BCAS3: variants seen among roughly 807,000 people sequenced by gnomAD.
The protein encoded by BCAS3 is BCAS4/BCAS3 fusion.
Under a neutral mutation model 116.1 loss-of-function variants are expected in BCAS3, and 53 were observed. The observed-to-expected ratio is 0.46, with a 90% CI of 0.37 to 0.57. BCAS3 has a LOEUF of 0.57. BCAS3 is among the 20% of genes least tolerant of loss of function. BCAS3 has a pLI of 0.00. For missense variants in BCAS3, 917 were observed against 1,165.4 expected (o/e 0.79, Z 3.10); for synonymous variants, 391 against 408.2 (o/e 0.96, Z 0.51).
chr17:61,182,589 A>C (rs751158520), intron 22 of BCAS3, among the ~76,000 whole-genome samples: 4 of 152,206 alleles, frequency 2.6e-5, no homozygotes, highest in Non-Finnish European at 4.4e-5. Context: ...AAATTTACAG[A>C]GTTATGCATC....
chr17:60,919,548 C>A (rs1190136291), intron 12 of BCAS3, among the ~76,000 whole-genome samples: 2 of 152,174 alleles, frequency 1.3e-5, no homozygotes, highest in Non-Finnish European at 2.9e-5. Context: ...TGGTCTCGAT[C>A]TCTTGAGCTC....
chr17:61,310,669 G>C (rs1265259641), intron 22 of BCAS3, among the ~76,000 whole-genome samples: 7 of 152,180 alleles, frequency 4.6e-5, no homozygotes, highest in Admixed American at 3.9e-4. Flanking sequence ...ATTAAGCCGA[G>C]CTATGAACCA....
At chr17:60,969,572 T>A (rs754675461) in intron 14 of BCAS3, among the ~76,000 whole-genome samples, 2 of 152,016 alleles carry the variant, frequency 1.3e-5, no homozygotes. Context: ...AGAGCCAACA[T>A]ACATGTAGTT....
rs1335682463 is a variant in BCAS3, at chr17:61,029,294, T to C, written c.1638-5372T>C. Among the ~76,000 whole-genome samples, 1 of 151,994 alleles carries C rather than the reference T, an allele frequency of 6.6e-6. No homozygotes were observed. The highest frequency in any genetic ancestry group is 1.5e-5 in the Non-Finnish European group (1 of 67,872). On this transcript the variant is annotated intron_variant, in intron 16 of 23. Coordinates refer to ENST00000407086, the MANE Select transcript of BCAS3 (RefSeq NM_017679.5). This position sits in a 1 kb window ranked among gnomAD's most constrained non-coding sequence, Gnocchi z 5.2. The stretch of plus-strand genomic sequence containing the variant: ...AAACAGGTTTAGTCCTTTACATTCA[T>C]ATACTTTCAGATGAGTCGTTATAAA...
At chr17:61,075,074 G>C in intron 20 of BCAS3, 54 bp downstream of exon 20, 1 of 1,406,646 alleles carries the variant, frequency 7.1e-7, no homozygotes, top group Non-Finnish European at 1.0e-6. Flanking sequence ...GAAATTTACT[G>C]TTTTTATTCT....
At chr17:61,375,369 G>A (rs376976198) in intron 23 of BCAS3, among the ~76,000 whole-genome samples, 3 of 152,034 alleles carry the variant, frequency 2.0e-5, no homozygotes. Context: ...ATATCTCAGT[G>A]TATTGGACCC....
intron 5 of BCAS3, among the ~76,000 whole-genome samples, chr17:60,746,664 C>T (rs1338049090): frequency 1.3e-4 from 20 of 151,904 alleles, no homozygotes; most frequent in Non-Finnish European, 2.9e-5. Flanking sequence ...TTTTCCTTTT[C>T]GTTTTATGAT....
chr17:60,991,512 A>G (rs2063523643), intron 15 of BCAS3, among the ~76,000 whole-genome samples: 2 of 152,216 alleles, frequency 1.3e-5, no homozygotes, highest in African/African-American at 4.8e-5. Flanking sequence ...TTGACATTAG[A>G]TCACCTTTTC....
intron 6 of BCAS3, among the ~76,000 whole-genome samples, chr17:60,781,688 T>G (rs995096576): frequency 2.6e-5 from 4 of 152,184 alleles, no homozygotes; most frequent in Admixed American, 2.6e-4. Flanking sequence ...CTTATTTCCA[T>G]GTTTTTTCCT....
At chr17:60,996,133 T>G (rs1222037791) in intron 15 of BCAS3, among the ~76,000 whole-genome samples, 2 of 152,084 alleles carry the variant, frequency 1.3e-5, no homozygotes, top group African/African-American at 4.8e-5. Flanking sequence ...ATTGTTAGCC[T>G]TTCACTCAGC....
chr17:60,821,230 C>A (rs954722882), intron 7 of BCAS3, among the ~76,000 whole-genome samples: 1 of 152,138 alleles, frequency 6.6e-6, no homozygotes, highest in East Asian at 1.9e-4. Context: ...TACAGGCATG[C>A]GCCACCTCAC....
chr17:61,070,397 A>ATATC (rs1345404252), intron 19 of BCAS3: 9 of 175,232 alleles, frequency 5.1e-5, no homozygotes, highest in Admixed American at 2.1e-4. Flanking sequence ...ATATATATAT[A>ATATC]TATCTTTTCA....
chr17:60,786,027 T>C (rs921598536), intron 6 of BCAS3, among the ~76,000 whole-genome samples: 2 of 152,172 alleles, frequency 1.3e-5, no homozygotes, highest in East Asian at 3.8e-4. Context: ...ATGATGCAAT[T>C]TTATGCCAGA....
rs138726422 is a variant in BCAS3, at chr17:60,899,454, C to T, written c.739-3166C>T. On this transcript the variant is annotated intron_variant, in intron 10 of 23. Transcript: ENST00000407086. The stretch of plus-strand genomic sequence containing the variant: ...TTTACTCGATTCTCAGCCCCTAGTG[C>T]GGGAATGAGCCCAGATCACACCCTA... Among the ~76,000 whole-genome samples the T allele has an allele frequency of 6.8e-4, 103 of 152,154 alleles. 3 individuals are homozygous for T. In the East Asian group the frequency reaches 0.01, roughly 15 times the overall value.
chr17:61,128,219 A>G lies in BCAS3; in HGVS notation c.2425+43655A>G, dbSNP rs541969032. 79 of 985,442 alleles carry G rather than the reference A, an allele frequency of 8.0e-5. No homozygotes were observed. The Middle Eastern group carries it at 2.1e-3, about 26-fold the overall frequency. 61.0% of individuals were successfully genotyped at this position (985,442 alleles called of 1,614,324 possible). A position where few individuals can be genotyped will look rare whatever the true frequency, so the allele number is the denominator to read the frequency against. On this transcript the variant is annotated intron_variant, in intron 22 of 23. Transcript: ENST00000407086. The surrounding 1 kb of genome is among the most constrained non-coding windows in gnomAD (Gnocchi z 4.1). Reference sequence around the variant, plus strand: ...AATAGTGTGAGTCAAGGATGAGTACATGAAGATGAAGCCCATGCAATGAGG... The same window carrying G: ...AATAGTGTGAGTCAAGGATGAGTACGTGAAGATGAAGCCCATGCAATGAGG...
Position 61,368,245 on chromosome 17 carries a change from G to C in BCAS3, c.2426-82G>C. The C allele has an allele frequency of 7.0e-7, 1 of 1,435,754 alleles. No individual in the cohort carries two copies. Among genetic ancestry groups the C allele is most frequent in the Non-Finnish European group, 9.5e-7 (1 of 1,057,598 alleles). The allele number at this position is 1,435,754 out of a possible 1,614,324, so 88.9% of individuals were successfully genotyped here. On this transcript the variant is annotated intron_variant, in intron 22 of 23. Transcript: ENST00000407086. The surrounding 1 kb of genome is among the most constrained non-coding windows in gnomAD (Gnocchi z 6.0). ...GGCTACAATGGACCCTGGGTATGGA[G>C]AGGAGCGGGTGGGAGGTAGACAAGA...
chr17:60,963,532 G>C (rs1466648480), intron 14 of BCAS3, among the ~76,000 whole-genome samples: 1 of 149,198 alleles, frequency 6.7e-6, no homozygotes, highest in Non-Finnish European at 1.5e-5. Context: ...ATTGTTCCCT[G>C]TTGATGTATA....
rs985787532 is a variant in BCAS3, at chr17:61,098,046, T to C, written c.2425+13482T>C. ...AACAACTGACAGGCCTGACTGGTCA[T>C]TGGCTTTCCATTCCTGGCATTGATA... On this transcript the variant is annotated intron_variant, in intron 22 of 23. Coordinates refer to ENST00000407086, the MANE Select transcript of BCAS3 (RefSeq NM_017679.5). The surrounding 1 kb of genome is among the most constrained non-coding windows in gnomAD (Gnocchi z 4.2). Among the ~76,000 whole-genome samples the C allele has an allele frequency of 6.6e-6, 1 of 152,218 alleles. No homozygotes were observed. Among genetic ancestry groups the C allele is most frequent in the Non-Finnish European group, 1.5e-5 (1 of 68,034 alleles).
intron 6 of BCAS3, among the ~76,000 whole-genome samples, chr17:60,747,839 G>T (rs2144264040): frequency 6.6e-6 from 1 of 152,060 alleles, no homozygotes; most frequent in Admixed American, 6.5e-5. Flanking sequence ...CTTTAATAGA[G>T]AATACTTCTT....
Sources: allele counts gnomAD v4.1 joint callset (sites outside exome capture counted in the v4.1 genomes callset), GRCh38; gene constraint gnomAD v4.1.1; non-coding constraint Gnocchi (gnomAD v3.1); transcripts MANE v1.5; gene names NCBI Gene and HGNC (gene_info 2026-07-23, HGNC 2026-07-21).